RECK: variants seen among roughly 807,000 people sequenced by gnomAD.
The protein encoded by RECK is reversion inducing cysteine rich protein with kazal motifs, also known as reversion-inducing cysteine-rich protein with Kazal motifs.
RECK carries 69 observed loss-of-function variants against 115.1 expected under a neutral mutation model. The ratio of observed to expected loss-of-function variants is 0.60; its 90% CI spans 0.49 to 0.73. The LOEUF (loss-of-function observed/expected upper bound fraction) is 0.73. Ranked by LOEUF, RECK falls within the 30% of genes least tolerant of loss-of-function variation. The pLI, the probability that RECK is intolerant of heterozygous loss-of-function variation, is 0.00. For synonymous variants in RECK, 414 were observed against 419.7 expected, an observed-to-expected ratio of 0.99 and a Z score of 0.17; for missense variants, 1,047 against 1,203.7, an observed-to-expected ratio of 0.87 and a Z score of 1.93.
chr9:36,115,612 T>A (rs1824229565), intron 16 of RECK, among the ~76,000 whole-genome samples: 1 of 152,118 alleles, frequency 6.6e-6, no homozygotes, highest in African/African-American at 2.4e-5. Context: ...GTTCTAAATA[T>A]TATTTTCCAT....
chr9:36,120,270 A>T (rs1039656024), intron 18 of RECK, among the ~76,000 whole-genome samples: 12 of 152,080 alleles, frequency 7.9e-5, no homozygotes, highest in Non-Finnish European at 1.5e-4. Flanking sequence ...TCAAACACTC[A>T]TGGAACCCCT....
At chr9:36,088,956 G>C (rs1823061076) in intron 9 of RECK, among the ~76,000 whole-genome samples, 1 of 152,214 alleles carries the variant, frequency 6.6e-6, no homozygotes, top group African/African-American at 2.4e-5. Flanking sequence ...GGGAGGCAGA[G>C]GTTGCAGTGA....
intron 9 of RECK, among the ~76,000 whole-genome samples, chr9:36,088,672 A>T (rs1380708906): frequency 6.6e-6 from 1 of 152,232 alleles, no homozygotes; most frequent in Non-Finnish European, 1.5e-5. Context: ...AATTTTGCCT[A>T]GAATAGCTCA....
chr9:36,119,004 GAGA>G (rs765542179), intron 18 of RECK, 37 bp downstream of exon 18: 136 of 1,585,998 alleles, frequency 8.6e-5, no homozygotes, highest in Non-Finnish European at 1.1e-4. Context: ...GGGGAGGACT[GAGA>G]AGATTTGCTT....
intron 6 of RECK, chr9:36,066,732 C>A: frequency 8.8e-7 from 1 of 1,132,940 alleles, no homozygotes; most frequent in Non-Finnish European, 1.1e-6. Context: ...TCCTTCTTTT[C>A]TCCTACATGA....
chr9:36,100,533 A>G lies in RECK; in HGVS notation c.1288A>G (p.Ile430Val), dbSNP rs1823524702. The stretch of plus-strand genomic sequence containing the variant: ...TTGTCATAGTAAATCTCGGGGAAGT[A>G]TTATTTGCAAGTAAGTTTCTTTCAT... The part of the protein sequence containing the change: ...KPCHSKSRGS[I>V]ICKSDCVEIL... Residue 430 changes from isoleucine (I) to valine (V), a missense_variant, in exon 11 of 21, where the codon ATT becomes GTT. Transcript: ENST00000377966. 2 of 1,612,726 alleles carry G rather than the reference A, an allele frequency of 1.2e-6. No individual in the cohort carries two copies. The highest frequency in any genetic ancestry group is 1.7e-6 in the Non-Finnish European group (2 of 1,178,936).
chr9:36,048,318 C>T (rs1821154949), intron 1 of RECK, among the ~76,000 whole-genome samples: 1 of 151,830 alleles, frequency 6.6e-6, no homozygotes, highest in Admixed American at 6.6e-5. Flanking sequence ...AGTTACATGC[C>T]TCTGATGATT....
intron 6 of RECK, among the ~76,000 whole-genome samples, chr9:36,076,693 A>G (rs1164173682): frequency 6.6e-6 from 1 of 152,200 alleles, no homozygotes; most frequent in Non-Finnish European, 1.5e-5. Context: ...CAGCTACCAG[A>G]GGAAAGATTT....
intron 1 of RECK, among the ~76,000 whole-genome samples, chr9:36,045,781 G>A (rs531801191): frequency 3.2e-4 from 48 of 152,048 alleles, no homozygotes; most frequent in African/African-American, 1.1e-3. Flanking sequence ...TAGAAGCTGC[G>A]TTTTTCTGCA....
At chr9:36,047,318 G>C (rs1288254949) in intron 1 of RECK, among the ~76,000 whole-genome samples, 1 of 152,132 alleles carries the variant, frequency 6.6e-6, no homozygotes, top group Admixed American at 6.5e-5. Flanking sequence ...GTTGTTATAA[G>C]AAAGCGTCGG....
At chr9:36,042,763 A>G (rs1820918082) in intron 1 of RECK, among the ~76,000 whole-genome samples, 1 of 152,086 alleles carries the variant, frequency 6.6e-6, no homozygotes, top group Admixed American at 6.5e-5. Flanking sequence ...ACTGTTTTCC[A>G]TGGTGGTTAT....
chr9:36,120,408 T>A (rs1011060864), intron 18 of RECK, among the ~76,000 whole-genome samples: 1 of 152,078 alleles, frequency 6.6e-6, no homozygotes, highest in Middle Eastern at 3.2e-3. Flanking sequence ...GCCAGCTGTC[T>A]CTATGCTATC....
At chr9:36,070,559 A>G (rs1293000729) in intron 6 of RECK, among the ~76,000 whole-genome samples, 1 of 152,154 alleles carries the variant, frequency 6.6e-6, no homozygotes, top group East Asian at 1.9e-4. Flanking sequence ...TTAGGGAACT[A>G]GAAAAGAAGG....
In RECK at chr9:36,104,243, AT is replaced by A. The variant is rs1358528167; in HGVS notation, c.1436-897del. 5.6e-5 allele frequency among the ~76,000 whole-genome samples: 7 copies of A among 124,286 alleles called. No homozygotes were observed. The East Asian group carries it at 1.5e-3, about 26-fold the overall frequency. 81.5% of individuals were successfully genotyped at this position (124,286 alleles called of 152,430 possible). A position where few individuals can be genotyped will look rare whatever the true frequency, so the allele number is the denominator to read the frequency against. On this transcript the variant is annotated intron_variant, in intron 12 of 20. Transcript: ENST00000377966. Reference sequence around the variant, plus strand: ...TTACTTACAATTTTCTGACTTAATTATTTATTTATAGATACACATATACATA... The same window carrying A: ...TTACTTACAATTTTCTGACTTAATTATTATTTATAGATACACATATACATA...
chr9:36,119,624 A>G (rs1269364467), intron 18 of RECK, among the ~76,000 whole-genome samples: 2 of 152,216 alleles, frequency 1.3e-5, no homozygotes, highest in East Asian at 1.9e-4. Flanking sequence ...TCAAATGTTT[A>G]TTTAGCTTTC....
intron 3 of RECK, 140 bp downstream of exon 3, chr9:36,059,041 A>T (rs1027381339): frequency 1.9e-5 from 8 of 428,682 alleles, no homozygotes; most frequent in Non-Finnish European, 3.2e-5. Context: ...TTAAATACTT[A>T]AAAAAAATCT....
intron 5 of RECK, among the ~76,000 whole-genome samples, chr9:36,065,228 TAAAAAA>T (rs561725701): frequency 1.2e-4 from 6 of 50,538 alleles, no homozygotes; most frequent in Non-Finnish European, 1.6e-4. Context: ...GGAATTCAGC[TAAAAAA>T]AAAAAAAAAA....
In RECK at chr9:36,122,894, C is replaced by T; in HGVS notation, c.2765C>T (p.Ser922Phe). The change falls in exon 21 of 21, where the codon TCC becomes TTC. Residue 922 changes from serine (S) to phenylalanine (F), a missense_variant. Coordinates refer to ENST00000377966, the MANE Select transcript of RECK (RefSeq NM_021111.3). ...LINSDSPTLA[S>F]HVPLSALIIS... ...AACTCTGACAGCCCGACTTTGGCGT[C>T]CCATGTCCCTCTCTCTGCCCTCATC... 1 of 1,614,220 alleles carries T rather than the reference C, an allele frequency of 6.2e-7. No individual in the cohort carries two copies. The highest frequency in any genetic ancestry group is 8.5e-7 in the Non-Finnish European group (1 of 1,180,044).
At chr9:36,106,633 G>A (rs1007461563) in intron 13 of RECK, among the ~76,000 whole-genome samples, 2 of 151,742 alleles carry the variant, frequency 1.3e-5, no homozygotes, top group South Asian at 2.1e-4. Context: ...GTAATATATC[G>A]GCTATAGAGT....
Sources: gnomAD v4.1 joint callset for allele counts (sites outside exome capture counted in the v4.1 genomes callset) on GRCh38, gnomAD v4.1.1 for gene constraint, MANE v1.5 for transcripts, NCBI Gene and HGNC (gene_info 2026-07-23, HGNC 2026-07-21) for gene names.